The following FIG4 variants were observed in gnomAD, a reference collection of about 807,000 sequenced individuals.
FIG4 encodes the protein polyphosphoinositide phosphatase.
FIG4 carries 112 observed loss-of-function variants against 118.6 expected under a neutral mutation model. The observed-to-expected ratio is 0.94, with a 90% CI of 0.81 to 1.11. The LOEUF (loss-of-function observed/expected upper bound fraction) is 1.11. FIG4 is among the 50% of genes least tolerant of loss of function. The probability of loss-of-function intolerance (pLI) is 0.00; values close to 1 mark genes in which losing one functional copy is unlikely to be tolerated. For synonymous variants in FIG4, 369 were observed against 381.2 expected, an observed-to-expected ratio of 0.97 and a Z score of 0.37; for missense variants, 969 against 1,111.7, an observed-to-expected ratio of 0.87 and a Z score of 1.83.
rs1316279550 is a variant in FIG4 at position 109,762,088 on chromosome 6, C to T, written c.1272-3C>T. Reference sequence around the variant, plus strand: ...CTTTTCTCATTCTTCCTTCTCTCCTCAGCAAGCTGTGTAATGTTCTTGATC... The same window carrying T: ...CTTTTCTCATTCTTCCTTCTCTCCTTAGCAAGCTGTGTAATGTTCTTGATC... On this transcript the variant is annotated splice_polypyrimidine_tract_variant and splice_region_variant and intron_variant, in intron 11 of 22. Coordinates refer to ENST00000230124, the MANE Select transcript of FIG4 (RefSeq NM_014845.6). 1.9e-6 allele frequency: 3 copies of T among 1,577,592 alleles called. No individual in the cohort carries two copies. Among genetic ancestry groups the T allele is most frequent in the Non-Finnish European group, 2.6e-6 (3 of 1,146,928 alleles).
chr6:109,795,267 A>C (rs375542241), intron 21 of FIG4, among the ~76,000 whole-genome samples: 1 of 151,824 alleles, frequency 6.6e-6, no homozygotes, highest in Non-Finnish European at 1.5e-5. Context: ...GCCAGTTTTT[A>C]GAAAACTCTG....
chr6:109,789,547 T>G, intron 18 of FIG4, 47 bp from the exon 19 acceptor site: 2 of 1,335,550 alleles, frequency 1.5e-6, no homozygotes, highest in Non-Finnish European at 2.2e-6. Flanking sequence ...CAATATCATC[T>G]GGATGGACAG....
chr6:109,806,223 A>G (rs906943780), intron 22 of FIG4, among the ~76,000 whole-genome samples: 1 of 152,174 alleles, frequency 6.6e-6, no homozygotes, highest in Non-Finnish European at 1.5e-5. Flanking sequence ...AGGTGATTTA[A>G]TTTAGTTTAT....
intron 22 of FIG4, among the ~76,000 whole-genome samples, chr6:109,800,647 C>G (rs774986505): frequency 1.3e-5 from 2 of 152,166 alleles, no homozygotes; most frequent in African/African-American, 4.8e-5. Context: ...TGACTCTCAT[C>G]CCCCATCACA....
intron 10 of FIG4, among the ~76,000 whole-genome samples, chr6:109,749,926 G>C (rs1485496162): frequency 6.6e-6 from 1 of 152,154 alleles, no homozygotes; most frequent in African/African-American, 2.4e-5. Flanking sequence ...CTGTTTCATG[G>C]AATAGGAAAA....
At chr6:109,756,121 G>A (rs944169613) in intron 10 of FIG4, among the ~76,000 whole-genome samples, 14 of 152,076 alleles carry the variant, frequency 9.2e-5, no homozygotes, top group Admixed American at 2.0e-4. Flanking sequence ...AGCTCTTTTA[G>A]GGCAGGCCTG....
intron 15 of FIG4, among the ~76,000 whole-genome samples, chr6:109,768,566 A>G (rs1366161960): frequency 6.6e-6 from 1 of 152,178 alleles, no homozygotes; most frequent in African/African-American, 2.4e-5. Context: ...GGGTCTCTCA[A>G]GGCTGCCATT....
At chr6:109,747,091 C>T (rs188797156) in intron 10 of FIG4, among the ~76,000 whole-genome samples, 1 of 152,190 alleles carries the variant, frequency 6.6e-6, no homozygotes, top group Non-Finnish European at 1.5e-5. Flanking sequence ...ATGCTTGCGT[C>T]CTCTACACTT....
At chr6:109,785,634 C>G (rs768729554) in intron 17 of FIG4, 1 of 469,878 alleles carries the variant, frequency 2.1e-6, no homozygotes, top group Non-Finnish European at 4.4e-6. Flanking sequence ...TACTAACTCC[C>G]CTGACCTTGA....
intron 15 of FIG4, among the ~76,000 whole-genome samples, chr6:109,770,583 G>A (rs1158813354): frequency 6.6e-6 from 1 of 152,102 alleles, no homozygotes; most frequent in African/African-American, 2.4e-5. Flanking sequence ...GATTTTGCAG[G>A]TTGTACAGGA....
intron 19 of FIG4, 58 bp from the exon 20 acceptor site, chr6:109,791,318 C>A: frequency 7.2e-7 from 1 of 1,391,814 alleles, no homozygotes; most frequent in Non-Finnish European, 1.0e-6. Flanking sequence ...GAGTGATAGA[C>A]AGTGGGTGTT....
intron 16 of FIG4, 149 bp downstream of exon 16, chr6:109,777,209 G>A (rs1469035372): frequency 1.1e-5 from 7 of 657,834 alleles, no homozygotes; most frequent in Non-Finnish European, 1.8e-5. Flanking sequence ...TACGTAGTAG[G>A]TGTATATTTT....
intron 3 of FIG4, 49 bp downstream of exon 3, chr6:109,716,617 C>G (rs779860729): frequency 6.2e-7 from 1 of 1,606,126 alleles, no homozygotes; most frequent in Admixed American, 1.7e-5. Context: ...TTGTTTTTGT[C>G]TTCTCTACAT....
chr6:109,804,850 A>G (rs1007069280), intron 22 of FIG4, among the ~76,000 whole-genome samples: 3 of 152,172 alleles, frequency 2.0e-5, no homozygotes, highest in African/African-American at 7.2e-5. Flanking sequence ...AACTAATATA[A>G]AGAGACTTTG....
At chr6:109,790,722 G>A (rs1778111767) in intron 19 of FIG4, among the ~76,000 whole-genome samples, 1 of 151,994 alleles carries the variant, frequency 6.6e-6, no homozygotes, top group African/African-American at 2.4e-5. Flanking sequence ...TACTATAAAT[G>A]GTTTTCTGAA....
intron 15 of FIG4, among the ~76,000 whole-genome samples, chr6:109,770,126 T>A (rs149474090): frequency 6.6e-6 from 1 of 152,276 alleles, no homozygotes; most frequent in African/African-American, 2.4e-5. Context: ...ACTAGTTACA[T>A]AGGGAGTTGG....
intron 3 of FIG4, among the ~76,000 whole-genome samples, chr6:109,719,983 G>A (rs1775557193): frequency 6.6e-6 from 1 of 152,146 alleles, no homozygotes; most frequent in South Asian, 2.1e-4. Flanking sequence ...CTCTGGGTGA[G>A]GGCTGAAGGT....
intron 16 of FIG4, among the ~76,000 whole-genome samples, chr6:109,778,018 A>C (rs913398028): frequency 1.3e-5 from 2 of 152,170 alleles, no homozygotes; most frequent in Non-Finnish European, 2.9e-5. Context: ...ATAATAATAT[A>C]ATCAATTTTG....
chr6:109,714,364 A>G (rs1015680510), intron 1 of FIG4, among the ~76,000 whole-genome samples: 3 of 152,290 alleles, frequency 2.0e-5, no homozygotes, highest in Admixed American at 2.0e-4. Context: ...AAGATCTGTT[A>G]GGAGTGCTCC....
Sources: gnomAD v4.1 joint callset for allele counts (sites outside exome capture counted in the v4.1 genomes callset) on GRCh38, gnomAD v4.1.1 for gene constraint, MANE v1.5 for transcripts, NCBI Gene and HGNC (gene_info 2026-07-23, HGNC 2026-07-21) for gene names.